The following TIMP2 variants were observed in gnomAD, a reference collection of about 807,000 sequenced individuals.
TIMP2 encodes the protein TIMP metallopeptidase inhibitor 2.
A neutral mutation model predicts 24.3 loss-of-function variants in TIMP2; 5 were observed. The observed-to-expected ratio is 0.21, with a 90% CI of 0.11 to 0.43. TIMP2 has a LOEUF of 0.43. TIMP2 is among the 20% of genes least tolerant of loss of function. The probability of loss-of-function intolerance (pLI) is 1.00; values close to 1 mark genes in which losing one functional copy is unlikely to be tolerated. For missense variants in TIMP2, 221 were observed against 297.5 expected (o/e 0.74, Z 1.89); for synonymous variants, 130 against 123.2 (o/e 1.06, Z -0.37).
At position 78,920,705 on chromosome 17, in the gene TIMP2, T is replaced by G. The variant is rs1010951291; in HGVS notation, c.130+4254A>C. Among the ~76,000 whole-genome samples the G allele has an allele frequency of 3.9e-5, 6 of 152,246 alleles. No homozygotes were observed. Among genetic ancestry groups the G allele is most frequent in the Non-Finnish European group, 7.3e-5 (5 of 68,046 alleles). On this transcript the variant is annotated intron_variant, in intron 1 of 4. Transcript: ENST00000262768. The surrounding 1 kb of genome is among the most constrained non-coding windows in gnomAD (Gnocchi z 4.5). Reference sequence around the variant, plus strand: ...TTGTCACATGATTACTCCTGAATTTTGGTTATTTCGAAAGTTTATCTGTTG... The same window carrying G: ...TTGTCACATGATTACTCCTGAATTTGGGTTATTTCGAAAGTTTATCTGTTG...
rs563449571 is a variant in TIMP2 at position 78,896,991 on chromosome 17, C to T, written c.131-23072G>A. 9.2e-5 allele frequency: 91 copies of T among 985,386 alleles called. 1 individual carries two copies. The African/African-American group carries it at 1.4e-3, about 15-fold the overall frequency. The allele number at this position is 985,386 out of a possible 1,614,324, so 61.0% of individuals were successfully genotyped here. A position where few individuals can be genotyped will look rare whatever the true frequency, so the allele number is the denominator to read the frequency against. On this transcript the variant is annotated intron_variant, in intron 1 of 4. Coordinates refer to ENST00000262768, the MANE Select transcript of TIMP2 (RefSeq NM_003255.5). The surrounding 1 kb of genome is among the most constrained non-coding windows in gnomAD (Gnocchi z 4.4). ...GCTTGAGAATGACGTCCAAGCAGCT[C>T]GCCTTTCCCTGGGCGGCCGCTCAGA...
Position 78,890,999 on chromosome 17 carries a change from C to T in TIMP2, c.131-17080G>A, listed in dbSNP as rs970492245. ...CTCCATCTCTGCTTTCTGCCTTTGCCTGGATGCCGTCGAGCCCACTCTGTC... is the reference window on the plus strand; with the variant it reads ...CTCCATCTCTGCTTTCTGCCTTTGCTTGGATGCCGTCGAGCCCACTCTGTC... On this transcript the variant is annotated intron_variant, in intron 1 of 4. Coordinates refer to ENST00000262768, the MANE Select transcript of TIMP2 (RefSeq NM_003255.5). 14 of 1,551,052 alleles carry T rather than the reference C, an allele frequency of 9.0e-6. No homozygotes were observed. The African/African-American group carries it at 1.8e-4, about 20-fold the overall frequency.
chr17:78,880,810 A>G (rs2069772945), intron 1 of TIMP2, among the ~76,000 whole-genome samples: 1 of 152,248 alleles, frequency 6.6e-6, no homozygotes, highest in Admixed American at 6.5e-5. Context: ...CCCACATGCT[A>G]TATGTATAAA....
At chr17:78,893,694 TG>T (rs1172560210) in intron 1 of TIMP2, among the ~76,000 whole-genome samples, 1 of 152,026 alleles carries the variant, frequency 6.6e-6, no homozygotes, top group Non-Finnish European at 1.5e-5. Flanking sequence ...GTCTGATACT[TG>T]AATCCAGTAG....
At chr17:78,857,915 A>G (rs2145744475) in intron 3 of TIMP2, among the ~76,000 whole-genome samples, 1 of 151,848 alleles carries the variant, frequency 6.6e-6, no homozygotes, top group South Asian at 2.1e-4. Flanking sequence ...ACTAAAATAC[A>G]AAAAATTAGC....
intron 1 of TIMP2, among the ~76,000 whole-genome samples, chr17:78,895,507 T>A (rs76589882): frequency 0.012 from 1,831 of 152,094 alleles, 29 homozygotes; most frequent in African/African-American, 0.042. Flanking sequence ...GGGGGAGGAA[T>A]TGGAACCCTG....
At chr17:78,915,592 T>C (rs916635338) in intron 1 of TIMP2, among the ~76,000 whole-genome samples, 1 of 151,964 alleles carries the variant, frequency 6.6e-6, no homozygotes, top group African/African-American at 2.4e-5. Context: ...CGATGTCGGC[T>C]CACTGCAACC....
At position 78,855,715 on chromosome 17, in the gene TIMP2, G is replaced by A. The variant is rs200738772; in HGVS notation, c.615C>T (p.Arg205=). Residue 205 remains arginine, a synonymous_variant, in exon 5 of 5, where the codon CGC becomes CGT. Coordinates refer to ENST00000262768, the MANE Select transcript of TIMP2 (RefSeq NM_003255.5). The surrounding 1 kb of genome is among the most constrained non-coding windows in gnomAD (Gnocchi z 6.0). Reference sequence around the variant, plus strand: ...ACTCCTGCTTGGGGGGCGCCGCGCCGCGGTACCACGCACAGGAGCCGTCAC... The same window carrying A: ...ACTCCTGCTTGGGGGGCGCCGCGCCACGGTACCACGCACAGGAGCCGTCAC... ...KRSDGSCAWY[R]GAAPPKQEFL... is the part of the protein sequence containing the mutation. 1.9e-5 allele frequency: 30 copies of A among 1,613,998 alleles called. No homozygotes were observed. Among genetic ancestry groups the A allele is most frequent in the African/African-American group, 5.3e-5 (4 of 74,928 alleles).
intron 1 of TIMP2, among the ~76,000 whole-genome samples, chr17:78,900,818 C>G (rs2070079329): frequency 6.6e-6 from 1 of 152,180 alleles, no homozygotes; most frequent in Non-Finnish European, 1.5e-5. Context: ...TCCCTAAATC[C>G]AACTATGCAA....
intron 1 of TIMP2, among the ~76,000 whole-genome samples, chr17:78,888,411 T>G (rs185971211): frequency 7.2e-5 from 11 of 152,054 alleles, no homozygotes; most frequent in African/African-American, 2.4e-4. Flanking sequence ...CCGCCCGCCT[T>G]GGCCTCCCAA....
At chr17:78,919,463 G>A (rs1238017867) in intron 1 of TIMP2, among the ~76,000 whole-genome samples, 17 of 152,108 alleles carry the variant, frequency 1.1e-4, no homozygotes, top group Admixed American at 2.6e-4. Context: ...CAGGGGTTAC[G>A]GTCCCCAGTG....
chr17:78,861,630 T>A (rs936304363), intron 3 of TIMP2, among the ~76,000 whole-genome samples: 4 of 146,608 alleles, frequency 2.7e-5, no homozygotes, highest in African/African-American at 1.0e-4. Flanking sequence ...GGAGACGGAG[T>A]CTTGCTCTGT....
intron 1 of TIMP2, among the ~76,000 whole-genome samples, chr17:78,892,750 G>A (rs1012365741): frequency 6.6e-6 from 1 of 152,198 alleles, no homozygotes; most frequent in Non-Finnish European, 1.5e-5. Context: ...ATGCAGGGAG[G>A]AGGTGCTCCG....
intron 1 of TIMP2, chr17:78,890,442 T>C: frequency 1.8e-6 from 1 of 567,310 alleles, no homozygotes; most frequent in Non-Finnish European, 3.0e-6. Flanking sequence ...CCTCAGGTGA[T>C]CCTGAGGCCG....
chr17:78,893,538 T>C (rs1415490598), intron 1 of TIMP2, among the ~76,000 whole-genome samples: 1 of 151,890 alleles, frequency 6.6e-6, no homozygotes, highest in Non-Finnish European at 1.5e-5. Context: ...TTTATGTTTC[T>C]GTGCACATGC....
chr17:78,902,004 C>G, intron 1 of TIMP2: 1 of 574,840 alleles, frequency 1.7e-6, no homozygotes, highest in Admixed American at 3.1e-5. Flanking sequence ...GTTCTAGCCT[C>G]TAAAAATACC....
At chr17:78,868,749 T>C (rs1414429916) in intron 3 of TIMP2, among the ~76,000 whole-genome samples, 1 of 152,084 alleles carries the variant, frequency 6.6e-6, no homozygotes, top group Non-Finnish European at 1.5e-5. Context: ...ACTAGCCATA[T>C]CTCGGGTGCT....
intron 1 of TIMP2, among the ~76,000 whole-genome samples, chr17:78,884,900 G>A (rs923566658): frequency 1.3e-5 from 2 of 152,226 alleles, no homozygotes; most frequent in African/African-American, 4.8e-5. Flanking sequence ...GGGCTTGAAG[G>A]GGAAGGGAGA....
intron 1 of TIMP2, among the ~76,000 whole-genome samples, chr17:78,908,858 C>G (rs1222979469): frequency 1.3e-5 from 2 of 152,200 alleles, no homozygotes; most frequent in African/African-American, 4.8e-5. Context: ...GCCAGCAATG[C>G]TCATCCCAGC....
Sources: allele counts gnomAD v4.1 joint callset (sites outside exome capture counted in the v4.1 genomes callset), GRCh38; gene constraint gnomAD v4.1.1; non-coding constraint Gnocchi (gnomAD v3.1); transcripts MANE v1.5; gene names NCBI Gene and HGNC (gene_info 2026-07-23, HGNC 2026-07-21).